Variants in SPAG17 observed in about 807,000 individuals in gnomAD.
The protein encoded by SPAG17 is sperm associated antigen 17.
A neutral mutation model predicts 273.6 loss-of-function variants in SPAG17; 169 were observed. The ratio of observed to expected loss-of-function variants is 0.62; its 90% CI spans 0.55 to 0.70. The LOEUF is 0.70. SPAG17 is among the 30% of genes least tolerant of loss of function. The probability of loss-of-function intolerance (pLI) is 0.00; values close to 1 mark genes in which losing one functional copy is unlikely to be tolerated. For synonymous variants in SPAG17, 825 were observed against 873.2 expected, an observed-to-expected ratio of 0.94 and a Z score of 0.97; for missense variants, 2,557 against 2,627.8, an observed-to-expected ratio of 0.97 and a Z score of 0.59.
At position 118,091,620 on chromosome 1, in the gene SPAG17, A is replaced by C. The variant is rs760319972; in HGVS notation, c.1345T>G (p.Cys449Gly). 10 of 1,603,980 alleles carry C rather than the reference A, an allele frequency of 6.2e-6. 1 individual carries two copies. The South Asian group carries it at 8.8e-5, about 14-fold the overall frequency. The part of the protein sequence containing the change: ...EFISVPLILH[C>G]MLEQVVATEE... ...AGCCTCCCCACCTGTTCCAGCATAC[A>C]ATGCAGTATCAGGGGCACAGAAATG... Residue 449 changes from cysteine to glycine, a missense_variant, in exon 10 of 49, where the codon TGT (cysteine) becomes GGT (glycine). Physicochemically the swap from Cys to Gly is radical, Grantham distance 159. Coordinates refer to ENST00000336338, the MANE Select transcript of SPAG17 (RefSeq NM_206996.4).
At chr1:118,094,014 G>A (rs1403060723) in intron 7 of SPAG17, among the ~76,000 whole-genome samples, 1 of 152,150 alleles carries the variant, frequency 6.6e-6, no homozygotes, top group Admixed American at 6.6e-5. Flanking sequence ...CTGTCTGCCT[G>A]GAAGCAAAGA....
chr1:118,101,613 A>G (rs1656067284), intron 5 of SPAG17, 127 bp downstream of exon 5: 4 of 900,630 alleles, frequency 4.4e-6, no homozygotes, highest in African/African-American at 3.3e-5. Flanking sequence ...CTAGGGCAAA[A>G]TGATTGTGGG....
intron 38 of SPAG17, among the ~76,000 whole-genome samples, chr1:117,988,619 G>A (rs567450168): frequency 6.6e-6 from 1 of 152,170 alleles, no homozygotes; most frequent in Middle Eastern, 3.4e-3. Context: ...TTTAGGCAGC[G>A]ATTCTCAGTT....
chr1:117,983,921 GA>G lies in SPAG17; in HGVS notation c.5770-9del, dbSNP rs201461739. The G allele has an allele frequency of 8.8e-5, 133 of 1,506,094 alleles. 1 individual carries two copies. Among genetic ancestry groups the G allele is most frequent in the South Asian group, 5.1e-4 (43 of 83,816 alleles). The allele number at this position is 1,506,094 out of a possible 1,614,324, so 93.3% of individuals were successfully genotyped here. On this transcript the variant is annotated splice_polypyrimidine_tract_variant and intron_variant, in intron 41 of 48. Coordinates refer to ENST00000336338, the MANE Select transcript of SPAG17 (RefSeq NM_206996.4). ...ACTGTCCAGGTGATTATACTGAAAGGAAAAAAAAACTTATTTTAGACTTATA... is the reference window on the plus strand; with the variant it reads ...ACTGTCCAGGTGATTATACTGAAAGGAAAAAAAACTTATTTTAGACTTATA...
chr1:118,106,654 T>C (rs1656416911), intron 4 of SPAG17, among the ~76,000 whole-genome samples: 1 of 152,268 alleles, frequency 6.6e-6, no homozygotes, highest in South Asian at 2.1e-4. Flanking sequence ...ACTGCAATTT[T>C]AAATAAAATC....
intron 20 of SPAG17, among the ~76,000 whole-genome samples, chr1:118,050,885 A>G (rs1650928647): frequency 6.6e-6 from 1 of 151,974 alleles, no homozygotes; most frequent in Non-Finnish European, 1.5e-5. Flanking sequence ...AAACAAAAAT[A>G]GACAAATGGC....
At chr1:118,096,327 A>G (rs1044604525) in intron 7 of SPAG17, among the ~76,000 whole-genome samples, 4 of 149,748 alleles carry the variant, frequency 2.7e-5, no homozygotes, top group African/African-American at 9.8e-5. Context: ...CCAGGCTTTG[A>G]TCTCACTCTT....
At chr1:118,084,056 G>A (rs1654809340) in intron 13 of SPAG17, among the ~76,000 whole-genome samples, 1 of 152,128 alleles carries the variant, frequency 6.6e-6, no homozygotes. Context: ...GCTGCGTAGA[G>A]AGCTGAGCTG....
rs552913385 is a variant in SPAG17 at position 118,107,664 on chromosome 1, G to C, written c.448-5738C>G. Among the ~76,000 whole-genome samples the C allele has an allele frequency of 2.7e-4, 41 of 151,994 alleles. No homozygotes were observed. In the South Asian group the frequency reaches 8.5e-3, roughly 32 times the overall value. On this transcript the variant is annotated intron_variant, in intron 4 of 48. Transcript: ENST00000336338. Reference sequence around the variant, plus strand: ...TGCATGCCACCATGCCCAGCTAAAAGTATTTTTAAAGAGGACCCTTATAAA... The same window carrying C: ...TGCATGCCACCATGCCCAGCTAAAACTATTTTTAAAGAGGACCCTTATAAA...
At chr1:118,089,425 TA>T (rs1306581766) in intron 10 of SPAG17, among the ~76,000 whole-genome samples, 1 of 151,268 alleles carries the variant, frequency 6.6e-6, no homozygotes, top group African/African-American at 2.4e-5. Context: ...TGGGACAGTG[TA>T]AGGAATTTTT....
intron 18 of SPAG17, among the ~76,000 whole-genome samples, chr1:118,063,408 C>T (rs1453705981): frequency 1.3e-5 from 2 of 152,246 alleles, no homozygotes; most frequent in Non-Finnish European, 1.5e-5. Flanking sequence ...TGGAACAGAA[C>T]AGAGCCCTCA....
intron 3 of SPAG17, among the ~76,000 whole-genome samples, chr1:118,116,014 T>A (rs1464817791): frequency 6.6e-6 from 1 of 152,198 alleles, no homozygotes; most frequent in Non-Finnish European, 1.5e-5. Context: ...TGCAGCCTAA[T>A]TGGGGTGAAA....
Position 117,966,753 on chromosome 1 carries a change from C to G in SPAG17, c.6388G>C (p.Val2130Leu), listed in dbSNP as rs766954160. 1.9e-6 allele frequency: 3 copies of G among 1,607,444 alleles called. No individual in the cohort carries two copies. Among genetic ancestry groups the G allele is most frequent in the Non-Finnish European group, 2.5e-6 (3 of 1,177,916 alleles). ...GLKVTYKPGP[V>L]AAGMQTELNI... ...AGTTCTGTCTGCATACCAGCTGCCACCTATAAGACACAAGGTAGCTTTAGG... is the reference window on the plus strand; with the variant it reads ...AGTTCTGTCTGCATACCAGCTGCCAGCTATAAGACACAAGGTAGCTTTAGG... Residue 2130 changes from valine to leucine, a missense_variant and splice_region_variant, in exon 47 of 49, where the codon GTG becomes CTG. Coordinates refer to ENST00000336338, the MANE Select transcript of SPAG17 (RefSeq NM_206996.4).
At chr1:118,025,154 C>T in intron 27 of SPAG17, 84 bp downstream of exon 27, 1 of 1,205,688 alleles carries the variant, frequency 8.3e-7, no homozygotes, top group Non-Finnish European at 1.2e-6. Context: ...TGTTCCTTTT[C>T]CCTGTTATAG....
chr1:118,127,862 G>A (rs940036425), intron 3 of SPAG17, among the ~76,000 whole-genome samples: 1 of 152,138 alleles, frequency 6.6e-6, no homozygotes, highest in African/African-American at 2.4e-5. Context: ...AGTGGCTCAT[G>A]CCTATAATCC....
At chr1:118,160,170 T>C (rs1270587499) in intron 1 of SPAG17, among the ~76,000 whole-genome samples, 1 of 152,160 alleles carries the variant, frequency 6.6e-6, no homozygotes, top group African/African-American at 2.4e-5. Flanking sequence ...CTTTTCATCA[T>C]CATATATTAA....
intron 3 of SPAG17, among the ~76,000 whole-genome samples, chr1:118,115,713 T>C (rs1188740244): frequency 1.3e-5 from 2 of 152,162 alleles, no homozygotes; most frequent in African/African-American, 4.8e-5. Context: ...AGACTCAGAC[T>C]CCAGGAAAAG....
intron 32 of SPAG17, among the ~76,000 whole-genome samples, chr1:118,004,794 CT>C (rs1198797736): frequency 6.6e-6 from 1 of 152,224 alleles, no homozygotes; most frequent in Non-Finnish European, 1.5e-5. Flanking sequence ...CCCTGCCCTG[CT>C]TCATCTTGCC....
chr1:118,028,325 C>A lies in SPAG17; in HGVS notation c.3679G>T (p.Val1227Leu). 1 of 1,613,802 alleles carries A rather than the reference C, an allele frequency of 6.2e-7. No homozygotes were observed. The highest frequency in any genetic ancestry group is 1.1e-5 in the South Asian group (1 of 91,042). ...LDVPTFQSLN[V>L]SCPSGLLLTF... ...AACAGGAGCCCACTGGGGCAAGACA[C>A]ATTTAGGCTCTGGAAGGTGGGAACA... Residue 1227 changes from valine (V) to leucine (L), a missense_variant, in exon 26 of 49, where the codon GTG becomes TTG. Transcript: ENST00000336338.
Sources: gnomAD v4.1 joint callset for allele counts (sites outside exome capture counted in the v4.1 genomes callset) on GRCh38, gnomAD v4.1.1 for gene constraint, MANE v1.5 for transcripts, NCBI Gene and HGNC (gene_info 2026-07-23, HGNC 2026-07-21) for gene names.